CDH12: variants seen among roughly 807,000 people sequenced by gnomAD.
CDH12 encodes the protein cadherin 12, also known as cadherin-12.
CDH12 carries 41 observed loss-of-function variants against 74.1 expected under a neutral mutation model. The observed-to-expected ratio is 0.55, with a 90% CI of 0.43 to 0.72. The LOEUF is 0.72. Ranked by LOEUF, CDH12 falls within the 30% of genes least tolerant of loss-of-function variation. CDH12 has a pLI of 0.00. For missense variants in CDH12, 945 were observed against 977.2 expected (o/e 0.97, Z 0.44); for synonymous variants, 399 against 355.0 (o/e 1.12, Z -1.39).
intron 1 of CDH12, among the ~76,000 whole-genome samples, chr5:22,761,416 G>C (rs1746221943): frequency 6.6e-6 from 1 of 152,148 alleles, no homozygotes; most frequent in African/African-American, 2.4e-5. Flanking sequence ...ACAAAGTTAT[G>C]TGAAGGGCAT....
At position 22,054,942 on chromosome 5, in the gene CDH12, G is replaced by A. The variant is rs368285218; in HGVS notation, c.231+23504C>T. On this transcript the variant is annotated intron_variant, in intron 5 of 14. Transcript: ENST00000382254. ...TGTGATTTAATAGAATTATAACAAC[G>A]TAGTCATAACCTTTAAGGCCCAGGC... is the stretch of plus-strand genomic sequence containing the variant. Among the ~76,000 whole-genome samples, 27 of 152,224 alleles carry A rather than the reference G, an allele frequency of 1.8e-4. No individual in the cohort carries two copies. In the East Asian group the frequency reaches 3.9e-3, roughly 22 times the overall value.
At chr5:22,686,932 A>G (rs1741830233) in intron 1 of CDH12, among the ~76,000 whole-genome samples, 1 of 152,200 alleles carries the variant, frequency 6.6e-6, no homozygotes, top group Non-Finnish European at 1.5e-5. Context: ...CCTCTGCCTC[A>G]AAAGTTGTCC....
At chr5:22,679,947 C>T (rs921884481) in intron 1 of CDH12, among the ~76,000 whole-genome samples, 2 of 152,102 alleles carry the variant, frequency 1.3e-5, no homozygotes. Context: ...TGTCTGTACA[C>T]GTTCTGAGCA....
intron 11 of CDH12, among the ~76,000 whole-genome samples, chr5:21,774,869 A>G (rs979479124): frequency 2.0e-5 from 3 of 152,204 alleles, no homozygotes; most frequent in African/African-American, 7.2e-5. Context: ...GTAAGTACAT[A>G]TATTCATGGT....
chr5:22,291,294 T>A (rs1737378304), intron 3 of CDH12, among the ~76,000 whole-genome samples: 1 of 152,080 alleles, frequency 6.6e-6, no homozygotes, highest in Non-Finnish European at 1.5e-5. Flanking sequence ...CTCTGAGATA[T>A]AAAAAATGAA....
chr5:22,705,942 A>T (rs192589336), intron 1 of CDH12, among the ~76,000 whole-genome samples: 2 of 152,210 alleles, frequency 1.3e-5, no homozygotes, highest in Non-Finnish European at 2.9e-5. Flanking sequence ...TGTTCCTATT[A>T]TATTAGGTTT....
intron 1 of CDH12, among the ~76,000 whole-genome samples, chr5:22,574,972 T>C (rs983918854): frequency 6.6e-6 from 1 of 152,178 alleles, no homozygotes. Flanking sequence ...ATTTTATATA[T>C]TTTGCTTTCA....
intron 1 of CDH12, among the ~76,000 whole-genome samples, chr5:22,755,100 T>C (rs886280579): frequency 6.6e-6 from 1 of 152,222 alleles, no homozygotes. Flanking sequence ...TCTCCTATCA[T>C]TTGCTGATAT....
At chr5:22,749,546 A>G (rs1281743528) in intron 1 of CDH12, among the ~76,000 whole-genome samples, 1 of 152,208 alleles carries the variant, frequency 6.6e-6, no homozygotes, top group Non-Finnish European at 1.5e-5. Flanking sequence ...TAGAGACAAA[A>G]TAACTTATAT....
intron 1 of CDH12, among the ~76,000 whole-genome samples, chr5:22,556,830 A>G (rs1299020380): frequency 6.6e-6 from 1 of 152,012 alleles, no homozygotes; most frequent in Non-Finnish European, 1.5e-5. Context: ...ATCTTCTACA[A>G]CCCAGAAATG....
At chr5:21,999,607 C>A (rs1736492540) in intron 5 of CDH12, among the ~76,000 whole-genome samples, 2 of 152,072 alleles carry the variant, frequency 1.3e-5, no homozygotes, top group South Asian at 4.2e-4. Context: ...TATTAGTGAA[C>A]AATATCTGTT....
intron 1 of CDH12, among the ~76,000 whole-genome samples, chr5:22,828,259 A>G (rs1382795207): frequency 6.6e-6 from 1 of 152,198 alleles, no homozygotes; most frequent in Non-Finnish European, 1.5e-5. Flanking sequence ...AAATAATATC[A>G]TTATAGGTTA....
chr5:22,612,546 C>T (rs559635983), intron 1 of CDH12, among the ~76,000 whole-genome samples: 3 of 151,822 alleles, frequency 2.0e-5, no homozygotes, highest in Admixed American at 6.6e-5. Flanking sequence ...TTTTTATCAT[C>T]GAATTATGTT....
chr5:21,905,194 G>A (rs548430342), intron 6 of CDH12, among the ~76,000 whole-genome samples: 1 of 152,292 alleles, frequency 6.6e-6, no homozygotes, highest in Admixed American at 6.5e-5. Flanking sequence ...GCTTTTATAG[G>A]GGATGGCTTT....
intron 5 of CDH12, among the ~76,000 whole-genome samples, chr5:21,989,427 C>T (rs1487513928): frequency 1.3e-5 from 2 of 152,036 alleles, no homozygotes; most frequent in African/African-American, 4.8e-5. Flanking sequence ...ATGTTTTGAC[C>T]AGACTTTTCT....
At chr5:22,094,204 C>G (rs1743607039) in intron 4 of CDH12, among the ~76,000 whole-genome samples, 2 of 152,130 alleles carry the variant, frequency 1.3e-5, no homozygotes, top group African/African-American at 4.8e-5. Flanking sequence ...AAGCAGTGAA[C>G]ATGGGGGAAA....
chr5:21,921,954 A>G (rs1434009778), intron 6 of CDH12, among the ~76,000 whole-genome samples: 4 of 152,190 alleles, frequency 2.6e-5, no homozygotes, highest in Non-Finnish European at 5.9e-5. Context: ...ATTGTTTCTT[A>G]ACATAAAAAT....
chr5:22,208,645 C>A (rs1162205619), intron 4 of CDH12, among the ~76,000 whole-genome samples: 1 of 152,192 alleles, frequency 6.6e-6, no homozygotes, highest in Non-Finnish European at 1.5e-5. Flanking sequence ...TGGCATGGTT[C>A]TCCTGGAAGG....
chr5:21,826,767 A>G (rs1748696947), intron 8 of CDH12, among the ~76,000 whole-genome samples: 1 of 152,180 alleles, frequency 6.6e-6, no homozygotes, highest in Non-Finnish European at 1.5e-5. Flanking sequence ...CCACTTATAT[A>G]GTGCTTTCTA....
Sources: allele counts gnomAD v4.1 joint callset (sites outside exome capture counted in the v4.1 genomes callset), GRCh38; gene constraint gnomAD v4.1.1; transcripts MANE v1.5; gene names NCBI Gene and HGNC (gene_info 2026-07-23, HGNC 2026-07-21).